PASD1: variants seen among roughly 807,000 people sequenced by gnomAD.
PASD1 encodes the protein circadian clock protein PASD1.
In PASD1, 13 loss-of-function variants were observed where a neutral mutation model predicts 58.8. The observed-to-expected ratio is 0.22, with a 90% CI of 0.14 to 0.35. The LOEUF is 0.35. Among genes scored for constraint, PASD1 ranks in the 10% least tolerant of loss-of-function variants. PASD1 has a pLI of 1.00. For missense variants in PASD1, 734 were observed against 568.3 expected, an observed-to-expected ratio of 1.29 and a Z score of -2.96; for synonymous variants, 236 against 216.7, an observed-to-expected ratio of 1.09 and a Z score of -0.78.
chrX:151,632,584 G>A (rs1243752364), intron 8 of PASD1, among the ~76,000 whole-genome samples: 4 of 111,277 alleles, frequency 3.6e-5, no homozygotes, highest in Admixed American at 9.6e-5. Context: ...TTTCAATGCC[G>A]TGTGGAGACT....
intron 1 of PASD1, among the ~76,000 whole-genome samples, chrX:151,584,775 G>A (rs2013143866): frequency 8.9e-6 from 1 of 111,861 alleles, no homozygotes; most frequent in Non-Finnish European, 1.9e-5. Flanking sequence ...GGATTTCTCT[G>A]GAATTATTTA....
chrX:151,672,716 G>A, intron 14 of PASD1, 55 bp downstream of exon 14: 1 of 1,181,436 alleles, frequency 8.5e-7, no homozygotes, highest in Non-Finnish European at 1.1e-6. Flanking sequence ...TTCCCTCATG[G>A]CTGGATCCCA....
chrX:151,671,994 G>A (rs1003026825), intron 13 of PASD1, among the ~76,000 whole-genome samples, 189 bp from the exon 14 acceptor site: 7 of 112,556 alleles, frequency 6.2e-5, no homozygotes, highest in Admixed American at 2.8e-4. Flanking sequence ...GCAGACTCTC[G>A]CTGCCAGGTG....
At chrX:151,617,872 T>G (rs2013656830) in intron 4 of PASD1, among the ~76,000 whole-genome samples, 1 of 111,665 alleles carries the variant, frequency 9.0e-6, no homozygotes, top group Non-Finnish European at 1.9e-5. Flanking sequence ...TAATTCTTAC[T>G]CTCCCAGGGG....
intron 11 of PASD1, among the ~76,000 whole-genome samples, chrX:151,668,666 T>C (rs1335787948): frequency 9.0e-6 from 1 of 110,917 alleles, no homozygotes; most frequent in Non-Finnish European, 1.9e-5. Flanking sequence ...AGGAAGAAGC[T>C]GAATCTCTGA....
intron 4 of PASD1, among the ~76,000 whole-genome samples, chrX:151,617,893 C>T (rs761374874): frequency 8.9e-6 from 1 of 111,879 alleles, no homozygotes; most frequent in East Asian, 2.8e-4. Flanking sequence ...ATTAAGTGAG[C>T]TTGTATATGT....
intron 3 of PASD1, among the ~76,000 whole-genome samples, chrX:151,608,217 T>A (rs961577930): frequency 4.5e-5 from 5 of 111,601 alleles, no homozygotes; most frequent in African/African-American, 1.6e-4. Flanking sequence ...TTGCTAACAA[T>A]TTATTGTCTA....
At chrX:151,645,928 T>TGTTTTGTTTTGTTTTGTTTC in intron 8 of PASD1, among the ~76,000 whole-genome samples, 1 of 112,173 alleles carries the variant, frequency 8.9e-6, no homozygotes, top group Non-Finnish European at 1.9e-5. Context: ...TGTTTTGTTT[T>TGTTTTGTTTTGTTTTGTTTC]GTTTTCGGGT....
At chrX:151,601,708 C>A in intron 2 of PASD1, 127 bp downstream of exon 2, 2 of 675,414 alleles carry the variant, frequency 3.0e-6, no homozygotes, top group Non-Finnish European at 4.5e-6. Context: ...TGTGGTTTCT[C>A]CAGTGTTTTT....
rs769407780 is a variant in PASD1, at chrX:151,621,126, C to T, written c.307+97C>T. On this transcript the variant is annotated intron_variant, in intron 5 of 15. Coordinates refer to ENST00000370357, the MANE Select transcript of PASD1 (RefSeq NM_173493.3). ...TTCTAAAAAGATATTAGAGCACATA[C>T]GGCTGTTGATCATATATTAATTTAC... 16 of 485,329 alleles carry T rather than the reference C, an allele frequency of 3.3e-5. 1 individual carries two copies. The highest frequency in any genetic ancestry group is 1.2e-4 in the East Asian group (3 of 25,666). The allele number at this position is 485,329 out of a possible 1,213,427, so 40.0% of individuals were successfully genotyped here.
At chrX:151,601,648 C>T (rs1423244738) in intron 2 of PASD1, 67 bp downstream of exon 2, 2 of 1,085,152 alleles carry the variant, frequency 1.8e-6, no homozygotes, top group Non-Finnish European at 2.5e-6. Flanking sequence ...TCCCGTTTCA[C>T]ATCTAGCAAA....
At chrX:151,599,881 G>A (rs955447537) in intron 1 of PASD1, among the ~76,000 whole-genome samples, 1 of 112,016 alleles carries the variant, frequency 8.9e-6, no homozygotes, top group African/African-American at 3.2e-5. Context: ...GGCAGAGGCT[G>A]CAATCTTGGC....
chrX:151,569,559 A>T (rs12846421), intron 1 of PASD1, among the ~76,000 whole-genome samples: 29,326 of 111,227 alleles, frequency 0.26, 3,546 homozygotes, highest in Non-Finnish European at 0.38. Flanking sequence ...TCATTTTTTT[A>T]TACATTCCAT....
chrX:151,641,059 A>G (rs1265371861), intron 8 of PASD1: 2 of 111,603 alleles, frequency 1.8e-5, no homozygotes, highest in Non-Finnish European at 3.8e-5. Context: ...ACATCAGACT[A>G]AGATTTCTAC....
chrX:151,599,972 A>G (rs1358140677), intron 1 of PASD1, among the ~76,000 whole-genome samples: 1 of 112,286 alleles, frequency 8.9e-6, no homozygotes, highest in Non-Finnish European at 1.9e-5. Flanking sequence ...CAGCCTGGGC[A>G]ACATTGAGCA....
chrX:151,655,451 C>T (rs1433979448), intron 9 of PASD1, among the ~76,000 whole-genome samples: 102 of 112,165 alleles, frequency 9.1e-4, no homozygotes, highest in African/African-American at 3.3e-3. Context: ...AATGGTTGAA[C>T]TAGTTTACAG....
chrX:151,595,929 C>A (rs908268616), intron 1 of PASD1, among the ~76,000 whole-genome samples: 1 of 111,181 alleles, frequency 9.0e-6, no homozygotes, highest in Non-Finnish European at 1.9e-5. Flanking sequence ...TCTGGAAGTG[C>A]CCTCAGGTAG....
At chrX:151,619,882 T>C (rs969019544) in intron 4 of PASD1, among the ~76,000 whole-genome samples, 2 of 111,605 alleles carry the variant, frequency 1.8e-5, no homozygotes, top group Non-Finnish European at 3.8e-5. Flanking sequence ...GAGGCGGTAA[T>C]GTAAAGGAAG....
At chrX:151,615,750 A>T (rs1425100701) in intron 4 of PASD1, among the ~76,000 whole-genome samples, 1 of 112,442 alleles carries the variant, frequency 8.9e-6, no homozygotes, top group Non-Finnish European at 1.9e-5. Flanking sequence ...GATGGAAAGA[A>T]CTTGGTCTTC....
Sources: gnomAD v4.1 joint callset for allele counts (sites outside exome capture counted in the v4.1 genomes callset) on GRCh38, gnomAD v4.1.1 for gene constraint, MANE v1.5 for transcripts, NCBI Gene and HGNC (gene_info 2026-07-23, HGNC 2026-07-21) for gene names.